The following SYT10 variants were observed in gnomAD, a reference collection of about 807,000 sequenced individuals.
The protein encoded by SYT10 is synaptotagmin-10.
SYT10 carries 31 observed loss-of-function variants against 51.1 expected under a neutral mutation model. That is an observed-to-expected ratio of 0.61 (90% CI 0.46 to 0.82). SYT10 has a LOEUF of 0.82. Among genes scored for constraint, SYT10 ranks in the 40% least tolerant of loss-of-function variants. SYT10 has a pLI of 0.00. For synonymous variants in SYT10, 233 were observed against 225.9 expected (o/e 1.03, Z -0.28); for missense variants, 603 against 634.0 (o/e 0.95, Z 0.53).
chr12:33,412,844 G>C (rs192602421), intron 2 of SYT10, among the ~76,000 whole-genome samples: 5 of 152,160 alleles, frequency 3.3e-5, no homozygotes, highest in Non-Finnish European at 5.9e-5. Context: ...GAAAGATTTG[G>C]ATGAATTGAG....
rs760812723 is a variant in SYT10, at chr12:33,379,811, G to A, written c.1500+21C>T. The A allele has an allele frequency of 4.3e-6, 7 of 1,613,218 alleles. No homozygotes were observed. In the Admixed American group the frequency reaches 1.2e-4, roughly 27 times the overall value. On this transcript the variant is annotated intron_variant, in intron 6 of 6. Transcript: ENST00000228567. ...AAAAGAGACAACAAAAAGAGCAGAC[G>A]TAAGGAACTCACAAGCTTACCTCCA...
intron 2 of SYT10, among the ~76,000 whole-genome samples, chr12:33,422,451 T>C (rs1415168244): frequency 6.6e-6 from 1 of 152,142 alleles, no homozygotes; most frequent in Non-Finnish European, 1.5e-5. Flanking sequence ...AAGTGAATTA[T>C]CCTAAAACAT....
chr12:33,407,735 A>G (rs148050803), intron 2 of SYT10: 18 of 171,718 alleles, frequency 1.0e-4, no homozygotes, highest in Admixed American at 1.8e-4. Context: ...CCTCCTGAGT[A>G]GCTGGGACTA....
intron 2 of SYT10, among the ~76,000 whole-genome samples, chr12:33,412,481 A>G (rs1866414982): frequency 6.6e-6 from 1 of 152,064 alleles, no homozygotes; most frequent in South Asian, 2.1e-4. Context: ...AACCAATCAC[A>G]GTGCAAGTCA....
At position 33,376,579 on chromosome 12, in the gene SYT10, C is replaced by T. The variant is rs1016139275; in HGVS notation, c.*251G>A. On this transcript the variant is annotated 3_prime_UTR_variant, in exon 7 of 7. Coordinates refer to ENST00000228567, the MANE Select transcript of SYT10 (RefSeq NM_198992.4). ...AAGAATTACAACATAGTAAAACACT[C>T]TTTGTGCTAACAGGCATTTGATACG... is the stretch of plus-strand genomic sequence containing the variant. 4.0e-6 allele frequency: 2 copies of T among 495,328 alleles called. No homozygotes were observed. Among genetic ancestry groups the T allele is most frequent in the Non-Finnish European group, 7.2e-6 (2 of 276,010 alleles). 30.7% of individuals were successfully genotyped at this position (495,328 alleles called of 1,614,324 possible).
chr12:33,407,383 T>C, intron 2 of SYT10, 27 bp from the exon 3 acceptor site: 1 of 1,588,240 alleles, frequency 6.3e-7, no homozygotes, highest in Non-Finnish European at 8.5e-7. Context: ...ATACACAAAA[T>C]CATTGAGGGA....
At chr12:33,405,671 T>C (rs913927990) in intron 3 of SYT10, 2 of 152,028 alleles carry the variant, frequency 1.3e-5, no homozygotes, top group Non-Finnish European at 2.9e-5. Context: ...TTGTCTCTGT[T>C]CAAAACTTCA....
intron 4 of SYT10, among the ~76,000 whole-genome samples, chr12:33,383,160 A>T (rs1231953433): frequency 6.6e-6 from 1 of 152,180 alleles, no homozygotes; most frequent in East Asian, 1.9e-4. Context: ...ATAGAACATT[A>T]TATGATGGTT....
chr12:33,387,376 G>C (rs1173757615), intron 3 of SYT10, among the ~76,000 whole-genome samples: 1 of 152,142 alleles, frequency 6.6e-6, no homozygotes, highest in African/African-American at 2.4e-5. Flanking sequence ...CTTCACAAGG[G>C]TTGTAAGCAT....
intron 3 of SYT10, among the ~76,000 whole-genome samples, chr12:33,388,274 A>G (rs1486522354): frequency 6.6e-6 from 1 of 152,232 alleles, no homozygotes; most frequent in Non-Finnish European, 1.5e-5. Flanking sequence ...ACCTTGAGTC[A>G]TCAAGGTAAG....
rs1866051161 is a variant in SYT10, at chr12:33,375,083, G to C, written c.*1747C>G. 6.6e-6 allele frequency: 1 copy of C among 151,772 alleles called. No homozygotes were observed. Among genetic ancestry groups the C allele is most frequent in the Non-Finnish European group, 1.5e-5 (1 of 67,884 alleles). The allele number at this position is 151,772 out of a possible 1,614,324, so 9.4% of individuals were successfully genotyped here. On this transcript the variant is annotated 3_prime_UTR_variant, in exon 7 of 7. Transcript: ENST00000228567. The stretch of plus-strand genomic sequence containing the variant: ...TTACCTATAGCAAATAATTCTTTTA[G>C]GCTCGACAAGGTAGCCAAATGTTTC...
At chr12:33,426,643 G>T (rs1245486667) in intron 1 of SYT10, 148 bp from the exon 2 acceptor site, 1 of 794,374 alleles carries the variant, frequency 1.3e-6, no homozygotes, top group Non-Finnish European at 1.9e-6. Context: ...GGAAGAAAAG[G>T]TTAATAATCA....
intron 3 of SYT10, among the ~76,000 whole-genome samples, chr12:33,391,395 T>C (rs904006027): frequency 6.6e-6 from 1 of 151,844 alleles, no homozygotes; most frequent in African/African-American, 2.4e-5. Context: ...TGATGAAAAA[T>C]GAGTAAAGGC....
chr12:33,400,025 G>A (rs1866288464), intron 3 of SYT10, among the ~76,000 whole-genome samples: 2 of 152,152 alleles, frequency 1.3e-5, no homozygotes, highest in Admixed American at 1.3e-4. Flanking sequence ...AATACTGACT[G>A]TTACACCCCA....
At chr12:33,395,295 A>G (rs1202413530) in intron 3 of SYT10, among the ~76,000 whole-genome samples, 1 of 152,202 alleles carries the variant, frequency 6.6e-6, no homozygotes, top group African/African-American at 2.4e-5. Flanking sequence ...AGAGGAGGAG[A>G]AGAATTATTC....
At chr12:33,407,975 AC>A (rs1217493784) in intron 2 of SYT10, 1 of 152,246 alleles carries the variant, frequency 6.6e-6, no homozygotes, top group Non-Finnish European at 1.5e-5. Flanking sequence ...ATAATTAAAA[AC>A]AATTCTAAAG....
At chr12:33,400,857 C>A (rs527887241) in intron 3 of SYT10, among the ~76,000 whole-genome samples, 2 of 152,190 alleles carry the variant, frequency 1.3e-5, no homozygotes, top group East Asian at 3.9e-4. Context: ...GAAACCCCAT[C>A]TCCACTAAAA....
chr12:33,428,875 C>T (rs1866574418), intron 1 of SYT10, among the ~76,000 whole-genome samples: 1 of 147,608 alleles, frequency 6.8e-6, no homozygotes, highest in South Asian at 2.1e-4. Context: ...CACTGCACTC[C>T]AGCCTGGGTG....
chr12:33,427,435 G>A (rs537833187), intron 1 of SYT10, among the ~76,000 whole-genome samples: 2 of 152,132 alleles, frequency 1.3e-5, no homozygotes, highest in African/African-American at 4.8e-5. Context: ...CTCAAAGAAG[G>A]GAGAAATTGA....
Sources: allele counts gnomAD v4.1 joint callset (sites outside exome capture counted in the v4.1 genomes callset), GRCh38; gene constraint gnomAD v4.1.1; transcripts MANE v1.5; gene names NCBI Gene and HGNC (gene_info 2026-07-23, HGNC 2026-07-21).